The following PDE1C variants were observed in gnomAD, a reference collection of about 807,000 sequenced individuals.
PDE1C encodes dual specificity calcium/calmodulin-dependent 3',5'-cyclic nucleotide phosphodiesterase 1C.
PDE1C carries 62 observed loss-of-function variants against 93.1 expected under a neutral mutation model. The ratio of observed to expected loss-of-function variants is 0.67; its 90% CI spans 0.54 to 0.82. PDE1C has a LOEUF of 0.82. Among genes scored for constraint, PDE1C ranks in the 40% least tolerant of loss-of-function variants. The pLI is 0.00. For synonymous variants in PDE1C, 325 were observed against 310.1 expected (o/e 1.05, Z -0.50); for missense variants, 742 against 884.6 (o/e 0.84, Z 2.04).
intron 2 of PDE1C, among the ~76,000 whole-genome samples, chr7:31,886,070 G>A (rs892295574): frequency 5.3e-5 from 8 of 152,148 alleles, no homozygotes; most frequent in Non-Finnish European, 1.0e-4. Context: ...GCTTTGTTTT[G>A]TTTGAAAGGA....
At chr7:32,147,984 TAAAAAAAAAA>T in intron 3 of PDE1C, among the ~76,000 whole-genome samples, 1 of 79,724 alleles carries the variant, frequency 1.3e-5, no homozygotes, top group African/African-American at 5.6e-5. Context: ...CCATTTATGC[TAAAAAAAAAA>T]AAAAAAAAAA....
rs139319422 is a variant in PDE1C, at chr7:31,879,752, G to A, written c.243-574C>T. 1.9e-3 allele frequency among the ~76,000 whole-genome samples: 293 copies of A among 152,284 alleles called. 2 individuals are homozygous for A. Among genetic ancestry groups the A allele is most frequent in the African/African-American group, 6.6e-3 (273 of 41,562 alleles). Reference sequence around the variant, plus strand: ...AATGATTTAATCATCTAATAGCTGTGTTTTGCTGATTTTTCAAACTTGTTC... The same window carrying A: ...AATGATTTAATCATCTAATAGCTGTATTTTGCTGATTTTTCAAACTTGTTC... On this transcript the variant is annotated intron_variant, in intron 3 of 17. Coordinates refer to ENST00000396191, the MANE Select transcript of PDE1C (RefSeq NM_001191057.4).
intron 2 of PDE1C, among the ~76,000 whole-genome samples, chr7:32,023,552 A>T (rs1240189566): frequency 6.6e-6 from 1 of 152,114 alleles, no homozygotes; most frequent in Non-Finnish European, 1.5e-5. Context: ...ATGAATCGTA[A>T]GACAAAATTT....
chr7:32,144,193 C>T (rs971034758), intron 3 of PDE1C, among the ~76,000 whole-genome samples: 1 of 152,126 alleles, frequency 6.6e-6, no homozygotes, highest in Non-Finnish European at 1.5e-5. Flanking sequence ...CTCACAAAAC[C>T]AAGCTTTATC....
chr7:32,299,362 A>G, upstream of PDE1C: 1 of 985,706 alleles, frequency 1.0e-6, no homozygotes, highest in Non-Finnish European at 1.2e-6. Context: ...CCTTCTAGCC[A>G]CTGCCCCCAG....
chr7:31,688,394 T>G, the PDE1C span, among the ~76,000 whole-genome samples: 1 of 152,172 alleles, frequency 6.6e-6, no homozygotes, highest in East Asian at 1.9e-4. Flanking sequence ...AACCGCATAT[T>G]CTCACATCCA....
At chr7:31,684,682 T>G in the PDE1C span, among the ~76,000 whole-genome samples, 4 of 152,164 alleles carry the variant, frequency 2.6e-5, no homozygotes, top group Non-Finnish European at 5.9e-5. Context: ...GCATAATTAG[T>G]CATGCACAGA....
intron 1 of PDE1C, among the ~76,000 whole-genome samples, chr7:32,311,594 T>G (rs2128904694): frequency 6.6e-6 from 1 of 152,164 alleles, no homozygotes; most frequent in Admixed American, 6.5e-5. Context: ...GCAAGGCTGG[T>G]TCAATATACG....
intron 3 of PDE1C, among the ~76,000 whole-genome samples, chr7:32,145,943 C>T (rs1800807056): frequency 6.6e-6 from 1 of 152,110 alleles, no homozygotes; most frequent in Non-Finnish European, 1.5e-5. Context: ...ACTGTACCCT[C>T]AATCTGAGAA....
At chr7:31,939,172 A>G (rs1805485075) in intron 2 of PDE1C, among the ~76,000 whole-genome samples, 1 of 152,200 alleles carries the variant, frequency 6.6e-6, no homozygotes, top group South Asian at 2.1e-4. Flanking sequence ...ATGGTTTTAA[A>G]AATTCATGTA....
intron 3 of PDE1C, among the ~76,000 whole-genome samples, chr7:32,117,801 G>A (rs1280171968): frequency 2.6e-5 from 4 of 152,174 alleles, no homozygotes; most frequent in African/African-American, 9.6e-5. Context: ...GGAATAGAGT[G>A]AGTTATTGAT....
intron 3 of PDE1C, among the ~76,000 whole-genome samples, chr7:32,155,394 C>T (rs55676773): frequency 0.27 from 40,362 of 152,142 alleles, 5,553 homozygotes; most frequent in Middle Eastern, 0.35. Flanking sequence ...ATGCTTAACA[C>T]ACAATCTCTA....
intron 5 of PDE1C, among the ~76,000 whole-genome samples, chr7:31,877,180 A>G (rs1796700192): frequency 6.6e-6 from 1 of 152,244 alleles, no homozygotes; most frequent in Admixed American, 6.5e-5. Flanking sequence ...ATCTTGGGCT[A>G]CAGGATCAGC....
At chr7:31,840,009 C>T (rs1386003365) in intron 9 of PDE1C, among the ~76,000 whole-genome samples, 1 of 152,148 alleles carries the variant, frequency 6.6e-6, no homozygotes, top group Non-Finnish European at 1.5e-5. Context: ...TGCACTCTAG[C>T]CTGGGTGACA....
At chr7:32,088,978 A>G (rs2128743458) in intron 3 of PDE1C, among the ~76,000 whole-genome samples, 1 of 152,306 alleles carries the variant, frequency 6.6e-6, no homozygotes, top group Middle Eastern at 3.4e-3. Flanking sequence ...AACATCAATA[A>G]TGCACTGGGA....
In PDE1C at chr7:31,888,249, CAAAAAAAAA is replaced by C. The variant is rs34112969; in HGVS notation, c.129-7398_129-7390del. 7.1e-3 allele frequency among the ~76,000 whole-genome samples: 316 copies of C among 44,234 alleles called. 1 individual carries two copies. Among genetic ancestry groups the C allele is most frequent in the African/African-American group, 0.024 (295 of 12,244 alleles). The allele number at this position is 44,234 out of a possible 152,430, so 29.0% of individuals were successfully genotyped here. On this transcript the variant is annotated intron_variant, in intron 2 of 17. Transcript: ENST00000396191. ...TGGGTGACAGAGCGAGACTCAGTCT[CAAAAAAAAA>C]AAAAAAAAAAAAAAAGAAAAGGAGA...
chr7:32,362,124 C>T (rs1056994908), intron 1 of PDE1C, among the ~76,000 whole-genome samples: 1 of 152,016 alleles, frequency 6.6e-6, no homozygotes, highest in Non-Finnish European at 1.5e-5. Flanking sequence ...TGGGGTCAGG[C>T]AAATTGGAAG....
the PDE1C span, among the ~76,000 whole-genome samples, chr7:31,650,956 G>A: frequency 1.3e-5 from 2 of 152,246 alleles, no homozygotes; most frequent in African/African-American, 2.4e-5. Flanking sequence ...TGTTGCAGAT[G>A]AGCACTGTCA....
At chr7:32,163,348 GC>G (rs953250251) in intron 3 of PDE1C, among the ~76,000 whole-genome samples, 3 of 152,174 alleles carry the variant, frequency 2.0e-5, no homozygotes, top group African/African-American at 7.2e-5. Context: ...TTTGGCAGCA[GC>G]CCCTAGTGGA....
Sources: gnomAD v4.1 joint callset for allele counts (sites outside exome capture counted in the v4.1 genomes callset) on GRCh38, gnomAD v4.1.1 for gene constraint, MANE v1.5 for transcripts, NCBI Gene and HGNC (gene_info 2026-07-23, HGNC 2026-07-21) for gene names.